The following ENOX1 variants were observed in gnomAD, a reference collection of about 807,000 sequenced individuals.
ENOX1 encodes ecto-NOX disulfide-thiol exchanger 1.
In ENOX1, 42 loss-of-function variants were observed where a neutral mutation model predicts 82.5. The observed-to-expected ratio is 0.51, with a 90% confidence interval of 0.40 to 0.66. The LOEUF (loss-of-function observed/expected upper bound fraction) is 0.66, where lower values mean the gene tolerates loss of function less well. ENOX1 is among the 30% of genes least tolerant of loss of function. The pLI is 0.00. For missense variants in ENOX1, 608 were observed against 811.6 expected (o/e 0.75, Z 3.05); for synonymous variants, 271 against 282.2 (o/e 0.96, Z 0.40).
intron 2 of ENOX1, among the ~76,000 whole-genome samples, chr13:43,585,500 C>T (rs2080935168): frequency 6.6e-6 from 1 of 152,220 alleles, no homozygotes; most frequent in Admixed American, 6.5e-5. Context: ...ATTCATTGAT[C>T]GCTCACAGTT....
chr13:43,777,793 A>AC (rs1284258214), intron 1 of ENOX1, among the ~76,000 whole-genome samples: 5 of 151,090 alleles, frequency 3.3e-5, no homozygotes, highest in African/African-American at 7.3e-5. Context: ...CAAGTGATCC[A>AC]CCCCCTTGGC....
intron 3 of ENOX1, among the ~76,000 whole-genome samples, chr13:43,470,826 C>T (rs774190307): frequency 2.0e-5 from 3 of 151,988 alleles, no homozygotes; most frequent in African/African-American, 7.2e-5. Flanking sequence ...TTAAACATCA[C>T]CACAAACCCA....
chr13:43,617,831 A>G (rs965776354), intron 2 of ENOX1, among the ~76,000 whole-genome samples: 4 of 152,350 alleles, frequency 2.6e-5, no homozygotes, highest in East Asian at 3.9e-4. Flanking sequence ...GCTAGTTTAC[A>G]TTCCCACAAG....
At chr13:43,446,365 C>G (rs1202068723) in intron 3 of ENOX1, among the ~76,000 whole-genome samples, 1 of 152,110 alleles carries the variant, frequency 6.6e-6, no homozygotes, top group Non-Finnish European at 1.5e-5. Context: ...CTCAGAAATT[C>G]TCCATCTCAC....
chr13:43,325,839 T>A (rs1363634970), intron 10 of ENOX1, among the ~76,000 whole-genome samples: 1 of 152,116 alleles, frequency 6.6e-6, no homozygotes, highest in East Asian at 1.9e-4. Context: ...GAGGTCAAAT[T>A]CTAGACTGTT....
At chr13:43,651,957 T>G in intron 2 of ENOX1, among the ~76,000 whole-genome samples, 1 of 107,036 alleles carries the variant, frequency 9.3e-6, no homozygotes, top group Non-Finnish European at 1.8e-5. Flanking sequence ...GCAACAAGAG[T>G]GAAACTTCGT....
chr13:43,346,629 T>C (rs1377070196), intron 8 of ENOX1, among the ~76,000 whole-genome samples: 6 of 152,236 alleles, frequency 3.9e-5, no homozygotes, highest in Admixed American at 2.0e-4. Context: ...TGGTTTCTTA[T>C]CTCATTTCAT....
At chr13:43,773,721 T>A (rs927210827) in intron 1 of ENOX1, among the ~76,000 whole-genome samples, 25 of 152,228 alleles carry the variant, frequency 1.6e-4, no homozygotes, top group African/African-American at 6.0e-4. Flanking sequence ...AAAGTACTTA[T>A]CATAAGATCC....
intron 3 of ENOX1, chr13:43,459,615 A>G (rs1566275104): frequency 6.6e-6 from 1 of 152,246 alleles, no homozygotes; most frequent in African/African-American, 2.4e-5. Context: ...AGATCCTACC[A>G]GAAAATGATC....
At chr13:43,443,495 T>G (rs978981822) in intron 3 of ENOX1, among the ~76,000 whole-genome samples, 1 of 152,226 alleles carries the variant, frequency 6.6e-6, no homozygotes, top group Non-Finnish European at 1.5e-5. Context: ...TAAATATGCA[T>G]GGAAGTCCCG....
chr13:43,665,925 A>G (rs1183529617), intron 2 of ENOX1, among the ~76,000 whole-genome samples: 1 of 148,826 alleles, frequency 6.7e-6, no homozygotes, highest in Admixed American at 6.8e-5. Context: ...GCACCATACT[A>G]GATGCTTTAG....
chr13:43,489,951 A>G lies in ENOX1; in HGVS notation c.-218-5799T>C, dbSNP rs12867198. Among the ~76,000 whole-genome samples, 574 of 151,992 alleles carry G rather than the reference A, an allele frequency of 3.8e-3. 3 individuals carry two copies. Among genetic ancestry groups the G allele is most frequent in the Non-Finnish European group, 3.7e-3 (248 of 67,944 alleles). On this transcript the variant is annotated intron_variant, in intron 2 of 16. Coordinates refer to ENST00000690772, the MANE Select transcript of ENOX1 (RefSeq NM_001347969.2). ...CTGTCCCATCATTGTATTTTACTTTATTTTTGAGACAGAATGTCGCTCTGT... is the reference window on the plus strand; with the variant it reads ...CTGTCCCATCATTGTATTTTACTTTGTTTTTGAGACAGAATGTCGCTCTGT...
chr13:43,540,360 G>A (rs1398131227), intron 2 of ENOX1, among the ~76,000 whole-genome samples: 2 of 152,026 alleles, frequency 1.3e-5, no homozygotes, highest in South Asian at 2.1e-4. Flanking sequence ...AGCCAACTTC[G>A]TGTTACTAAA....
chr13:43,679,359 A>T (rs1438076839), intron 1 of ENOX1, among the ~76,000 whole-genome samples: 1 of 152,162 alleles, frequency 6.6e-6, no homozygotes, highest in East Asian at 1.9e-4. Flanking sequence ...TTTACCAGGA[A>T]CAATTCCCAG....
At chr13:43,293,224 C>A (rs2153503298) in intron 12 of ENOX1, among the ~76,000 whole-genome samples, 1 of 152,176 alleles carries the variant, frequency 6.6e-6, no homozygotes, top group Non-Finnish European at 1.5e-5. Context: ...TACCATTAGT[C>A]ACCATCCTCT....
At chr13:43,785,906 G>C (rs1195104576) in intron 1 of ENOX1, among the ~76,000 whole-genome samples, 1 of 152,136 alleles carries the variant, frequency 6.6e-6, no homozygotes, top group African/African-American at 2.4e-5. Flanking sequence ...GCTCGCACGT[G>C]TCGGGTCCGG....
At chr13:43,380,142 TCTATA>T (rs970648168) in intron 5 of ENOX1, among the ~76,000 whole-genome samples, 83 of 151,864 alleles carry the variant, frequency 5.5e-4, no homozygotes, top group African/African-American at 2.0e-3. Flanking sequence ...CACCAGCAGA[TCTATA>T]CTATAAGAAA....
intron 9 of ENOX1, among the ~76,000 whole-genome samples, chr13:43,336,445 C>T (rs1368311868): frequency 3.3e-5 from 5 of 152,250 alleles, no homozygotes; most frequent in Admixed American, 2.6e-4. Flanking sequence ...CAGTGGAGAA[C>T]TGTCAGTGCC....
intron 2 of ENOX1, among the ~76,000 whole-genome samples, chr13:43,534,390 G>C (rs989465635): frequency 1.3e-5 from 2 of 151,884 alleles, no homozygotes; most frequent in Non-Finnish European, 2.9e-5. Context: ...ATAGTTCAGT[G>C]ATTTCCACAC....
Sources: allele counts gnomAD v4.1 joint callset (sites outside exome capture counted in the v4.1 genomes callset), GRCh38; gene constraint gnomAD v4.1.1; transcripts MANE v1.5; gene names NCBI Gene and HGNC (gene_info 2026-07-23, HGNC 2026-07-21).